Variants in CCDC85A observed in about 807,000 individuals in gnomAD.
CCDC85A encodes the protein coiled-coil domain-containing protein 85A.
In CCDC85A, 38 loss-of-function variants were observed where a neutral mutation model predicts 50.2. The observed-to-expected ratio is 0.76, with a 90% CI of 0.58 to 0.99. The LOEUF (loss-of-function observed/expected upper bound fraction) is 0.99, where lower values mean the gene tolerates loss of function less well. Ranked by LOEUF, CCDC85A falls within the 50% of genes least tolerant of loss-of-function variation. The pLI is 0.00. For synonymous variants in CCDC85A, 366 were observed against 301.4 expected (o/e 1.21, Z -2.22); for missense variants, 820 against 742.0 (o/e 1.11, Z -1.22).
intron 5 of CCDC85A, chr2:56,383,892 C>T (rs1573384525): frequency 1.7e-5 from 6 of 363,262 alleles, no homozygotes; most frequent in Non-Finnish European, 2.3e-5. Flanking sequence ...TTTAAAAATG[C>T]AGTTGTCCAT....
chr2:56,234,636 C>T (rs1415442335), intron 2 of CCDC85A, among the ~76,000 whole-genome samples: 1 of 152,026 alleles, frequency 6.6e-6, no homozygotes, highest in Non-Finnish European at 1.5e-5. Context: ...ATTATTTATC[C>T]TACCTTTTTT....
At position 56,375,911 on chromosome 2, in the gene CCDC85A, T is replaced by C. The variant is rs1397747129; in HGVS notation, c.1548T>C (p.Pro516=). The change falls in exon 5 of 6, where the codon CCT becomes CCC. Residue 516 remains proline (P), a synonymous_variant. Coordinates refer to ENST00000407595, the MANE Select transcript of CCDC85A (RefSeq NM_001080433.2). ...FSGHATPSQQ[P]EPVVHSLKVV... Reference sequence around the variant, plus strand: ...GACATGCCACACCTTCCCAGCAGCCTGAACCTGTGGTACATTCTCTTAAGG... The same window carrying C: ...GACATGCCACACCTTCCCAGCAGCCCGAACCTGTGGTACATTCTCTTAAGG... The C allele has an allele frequency of 1.2e-6, 2 of 1,613,804 alleles. No homozygotes were observed. The highest frequency in any genetic ancestry group is 1.7e-6 in the Non-Finnish European group (2 of 1,179,802).
intron 2 of CCDC85A, among the ~76,000 whole-genome samples, chr2:56,257,176 T>A (rs1343894058): frequency 6.6e-6 from 1 of 152,168 alleles, no homozygotes; most frequent in Admixed American, 6.5e-5. Flanking sequence ...AAGCAAAAAC[T>A]TAAGTACGTT....
chr2:56,192,393 A>G lies in CCDC85A; in HGVS notation c.277-84A>G. On this transcript the variant is annotated intron_variant, in intron 1 of 5. Coordinates refer to ENST00000407595, the MANE Select transcript of CCDC85A (RefSeq NM_001080433.2). This position sits in a 1 kb window ranked among gnomAD's most constrained non-coding sequence, Gnocchi z 4.7. ...TAACCTCACAGGTAATTCACCAGTT[A>G]CAGGCTCTCCCTTTCCAGGAAGTCT... is the stretch of plus-strand genomic sequence containing the variant. 3 of 1,520,456 alleles carry G rather than the reference A, an allele frequency of 2.0e-6. No homozygotes were observed. The highest frequency in any genetic ancestry group is 1.8e-6 in the Non-Finnish European group (2 of 1,135,186). The allele number at this position is 1,520,456 out of a possible 1,614,324, so 94.2% of individuals were successfully genotyped here. A position where few individuals can be genotyped will look rare whatever the true frequency, so the allele number is the denominator to read the frequency against.
intron 3 of CCDC85A, among the ~76,000 whole-genome samples, chr2:56,368,627 G>C (rs1184116667): frequency 6.6e-6 from 1 of 152,082 alleles, no homozygotes; most frequent in African/African-American, 2.4e-5. Flanking sequence ...CACTTTAGCT[G>C]ATCAATCTTC....
chr2:56,340,566 G>A (rs1484822366), intron 2 of CCDC85A, among the ~76,000 whole-genome samples: 1 of 152,088 alleles, frequency 6.6e-6, no homozygotes, highest in East Asian at 1.9e-4. Flanking sequence ...TAGAGCAGTA[G>A]TGAAAGTTTA....
chr2:56,292,511 A>G (rs1671760764), intron 2 of CCDC85A, among the ~76,000 whole-genome samples: 1 of 152,176 alleles, frequency 6.6e-6, no homozygotes, highest in African/African-American at 2.4e-5. Context: ...ACCCTCTCTC[A>G]GTCTCCTGAA....
chr2:56,349,832 A>G (rs1335496604), intron 3 of CCDC85A, among the ~76,000 whole-genome samples: 1 of 152,076 alleles, frequency 6.6e-6, no homozygotes, highest in Non-Finnish European at 1.5e-5. Context: ...ATGAAGGTAC[A>G]TTCAAAACTT....
chr2:56,192,149 A>G lies in CCDC85A; in HGVS notation c.277-328A>G, dbSNP rs182883053. Among the ~76,000 whole-genome samples the G allele has an allele frequency of 1.4e-4, 21 of 152,320 alleles. No homozygotes were observed. The highest frequency in any genetic ancestry group is 2.6e-4 in the Admixed American group (4 of 15,302). On this transcript the variant is annotated intron_variant, in intron 1 of 5. Coordinates refer to ENST00000407595, the MANE Select transcript of CCDC85A (RefSeq NM_001080433.2). This position sits in a 1 kb window ranked among gnomAD's most constrained non-coding sequence, Gnocchi z 4.7. ...AATGTTTGGGTAAAAATTGGATGAC[A>G]TAATGCAAGTAAAGTATTGTGCAGG...
At chr2:56,322,849 G>A (rs1294630958) in intron 2 of CCDC85A, among the ~76,000 whole-genome samples, 1 of 152,132 alleles carries the variant, frequency 6.6e-6, no homozygotes, top group Non-Finnish European at 1.5e-5. Flanking sequence ...GCACATGTGT[G>A]TTTATTATGG....
Position 56,184,775 on chromosome 2 carries a change from G to A in CCDC85A, c.151G>A (p.Glu51Lys). The A allele has an allele frequency of 1.3e-6, 2 of 1,546,596 alleles. No individual in the cohort carries two copies. The highest frequency in any genetic ancestry group is 1.7e-6 in the Non-Finnish European group (2 of 1,146,082). ...GGAGCTGCTGCAGTGGAGCAAGGAG[G>A]AGCTGATCCGCAGCCTGCGGCGCGC... The part of the protein sequence containing the change: ...DEELLQWSKE[E>K]LIRSLRRAEA... Residue 51 changes from glutamate (E) to lysine (K), a missense_variant, in exon 1 of 6, where the codon GAG (glutamate) becomes AAG (lysine). Transcript: ENST00000407595.
At chr2:56,360,604 C>T (rs1043573422) in intron 3 of CCDC85A, among the ~76,000 whole-genome samples, 3 of 152,124 alleles carry the variant, frequency 2.0e-5, no homozygotes, top group African/African-American at 4.8e-5. Flanking sequence ...TTTGGCTGTA[C>T]GTGTTAAGGG....
At chr2:56,355,676 TGTTA>T (rs1208938632) in intron 3 of CCDC85A, among the ~76,000 whole-genome samples, 4 of 152,244 alleles carry the variant, frequency 2.6e-5, no homozygotes, top group Non-Finnish European at 4.4e-5. Context: ...TTACATTTTT[TGTTA>T]GTTTTATTAA....
intron 3 of CCDC85A, among the ~76,000 whole-genome samples, chr2:56,358,429 T>TAGCC (rs1675344801): frequency 6.6e-6 from 1 of 152,238 alleles, no homozygotes; most frequent in South Asian, 2.1e-4. Flanking sequence ...TTTAAGCACC[T>TAGCC]AGCCTCCTTC....
intron 2 of CCDC85A, among the ~76,000 whole-genome samples, chr2:56,207,546 T>G (rs1284628338): frequency 6.6e-6 from 1 of 152,290 alleles, no homozygotes; most frequent in Middle Eastern, 3.4e-3. Context: ...ATTTTTTGAT[T>G]CTCCTTTTCA....
At chr2:56,219,285 A>G (rs17268667) in intron 2 of CCDC85A, among the ~76,000 whole-genome samples, 55,987 of 148,544 alleles carry the variant, frequency 0.38, 11,970 homozygotes, top group East Asian at 0.58. Context: ...CCCCTGCAGT[A>G]TAATCATGGA....
chr2:56,341,720 A>G (rs1156320521), intron 2 of CCDC85A, among the ~76,000 whole-genome samples: 1 of 152,242 alleles, frequency 6.6e-6, no homozygotes, highest in Non-Finnish European at 1.5e-5. Flanking sequence ...CTGAGCTTTC[A>G]GCTCATGCCT....
chr2:56,215,169 T>C (rs1119821), intron 2 of CCDC85A, among the ~76,000 whole-genome samples: 57,286 of 151,738 alleles, frequency 0.38, 12,354 homozygotes, highest in East Asian at 0.58. Flanking sequence ...CAAATTCCAG[T>C]TGTTTGTTGC....
chr2:56,336,501 C>T (rs1674082488), intron 2 of CCDC85A, among the ~76,000 whole-genome samples: 1 of 152,088 alleles, frequency 6.6e-6, no homozygotes, highest in Non-Finnish European at 1.5e-5. Context: ...CAGAATGGAC[C>T]ATTACCAGAT....
Sources: allele counts gnomAD v4.1 joint callset (sites outside exome capture counted in the v4.1 genomes callset), GRCh38; gene constraint gnomAD v4.1.1; non-coding constraint Gnocchi (gnomAD v3.1); transcripts MANE v1.5; gene names NCBI Gene and HGNC (gene_info 2026-07-23, HGNC 2026-07-21).